Variants in RBFOX1 observed in about 807,000 individuals in gnomAD.
RBFOX1 encodes the protein RNA binding fox-1 homolog 1, also known as RNA binding protein fox-1 homolog 1.
In RBFOX1, 8 loss-of-function variants were observed where a neutral mutation model predicts 57.7. The observed-to-expected ratio is 0.14, with a 90% CI of 0.08 to 0.25. The LOEUF is 0.25. Ranked by LOEUF, RBFOX1 falls within the 10% of genes least tolerant of loss-of-function variation. The pLI, the probability that RBFOX1 is intolerant of heterozygous loss-of-function variation, is 1.00. For missense variants in RBFOX1, 611 were observed against 548.5 expected, an observed-to-expected ratio of 1.11 and a Z score of -1.14; for synonymous variants, 326 against 222.4, an observed-to-expected ratio of 1.47 and a Z score of -4.15.
rs1567355465 is a variant in RBFOX1 at position 6,060,122 on chromosome 16, G to GTTTTTTGTTTTTTTTTTTTTT, written c.-127+40136_-127+40137insGTTTTTTTTTTTTTTTTTTTT. 7.9e-5 allele frequency among the ~76,000 whole-genome samples: 9 copies of GTTTTTTGTTTTTTTTTTTTTT among 114,208 alleles called. 1 individual carries two copies. The highest frequency in any genetic ancestry group is 5.3e-4 in the East Asian group (2 of 3,788). 74.9% of individuals were successfully genotyped at this position (114,208 alleles called of 152,430 possible). ...ATTTGGCCCTAAAATTAGGATTAGG[G>GTTTTTTGTTTTTTTTTTTTTT]TTTTTTTTTTTTTTTTTTTTTTTTT... On this transcript the variant is annotated intron_variant, in intron 1 of 15. Transcript: ENST00000550418.
chr16:6,090,407 C>T (rs2096154257), intron 1 of RBFOX1, among the ~76,000 whole-genome samples: 2 of 152,214 alleles, frequency 1.3e-5, no homozygotes, highest in African/African-American at 4.8e-5. Context: ...ATCATCTCCA[C>T]TCTTCTGAGT....
At chr16:5,384,533 G>C (rs1222010208) in intron 1 of RBFOX1, among the ~76,000 whole-genome samples, 1 of 152,078 alleles carries the variant, frequency 6.6e-6, no homozygotes, top group Non-Finnish European at 1.5e-5. Flanking sequence ...CCAGGCAGAG[G>C]GACAATCAAG....
intron 1 of RBFOX1, among the ~76,000 whole-genome samples, chr16:5,461,971 T>A (rs1440164493): frequency 6.6e-6 from 1 of 151,950 alleles, no homozygotes; most frequent in African/African-American, 2.4e-5. Context: ...TGGCTCTTGA[T>A]CTATTTTGCC....
chr16:6,944,803 A>C (rs1032502356), intron 3 of RBFOX1, among the ~76,000 whole-genome samples: 1 of 152,158 alleles, frequency 6.6e-6, no homozygotes, highest in Non-Finnish European at 1.5e-5. Flanking sequence ...ACTAGAGAAT[A>C]ACCTGAGGAC....
intron 4 of RBFOX1, among the ~76,000 whole-genome samples, chr16:7,486,493 G>A (rs371884420): frequency 6.6e-6 from 1 of 152,060 alleles, no homozygotes; most frequent in Admixed American, 6.5e-5. Context: ...CCTTGGGCCA[G>A]TCACTTAACT....
chr16:6,842,561 C>G (rs1232693187), intron 3 of RBFOX1, among the ~76,000 whole-genome samples: 2 of 151,630 alleles, frequency 1.3e-5, no homozygotes, highest in South Asian at 4.2e-4. Flanking sequence ...TTTTTAATGG[C>G]TCTGCAGTGT....
intron 3 of RBFOX1, among the ~76,000 whole-genome samples, chr16:7,029,046 C>CTATATATATATATATATA (rs1225538161): frequency 4.4e-5 from 2 of 45,208 alleles, no homozygotes; most frequent in African/African-American, 2.9e-4. Context: ...AAAAAAAAAG[C>CTATATATATATATATATA]TATATATATA....
chr16:7,705,478 C>T (rs1003228986), intron 14 of RBFOX1, among the ~76,000 whole-genome samples: 1 of 152,142 alleles, frequency 6.6e-6, no homozygotes, highest in African/African-American at 2.4e-5. Flanking sequence ...GCACTCCAGC[C>T]TTAGCAACAG....
rs566636543 is a variant in RBFOX1, at chr16:5,363,984, G to A, written c.220-103232G>A. Among the ~76,000 whole-genome samples, 6 of 152,274 alleles carry A rather than the reference G, an allele frequency of 3.9e-5. No individual in the cohort carries two copies. In the South Asian group the frequency reaches 1.0e-3, roughly 26 times the overall value. ...TAGTCAGATCCTTCATCCAGTGTGTGCAATCAGTTTCCAAGAGAAGGAAAA... is the reference window on the plus strand; with the variant it reads ...TAGTCAGATCCTTCATCCAGTGTGTACAATCAGTTTCCAAGAGAAGGAAAA... On this transcript the variant is annotated intron_variant, in intron 1 of 2. Coordinates refer to the RBFOX1 transcript ENST00000585867.
chr16:6,905,822 G>A (rs1017941903), intron 3 of RBFOX1, among the ~76,000 whole-genome samples: 3 of 152,216 alleles, frequency 2.0e-5, no homozygotes, highest in Admixed American at 6.5e-5. Context: ...GCCTTGGCAC[G>A]GTGGTATTAG....
chr16:6,079,791 G>A (rs1214673296), intron 1 of RBFOX1, among the ~76,000 whole-genome samples: 1 of 152,118 alleles, frequency 6.6e-6, no homozygotes, highest in African/African-American at 2.4e-5. Flanking sequence ...AGCTGTGATT[G>A]TGTTACTGCA....
At chr16:5,355,988 G>T (rs2065379101) in intron 1 of RBFOX1, among the ~76,000 whole-genome samples, 1 of 152,202 alleles carries the variant, frequency 6.6e-6, no homozygotes, top group African/African-American at 2.4e-5. Flanking sequence ...CTACTCAGGA[G>T]GCTGTGACAT....
rs146148797 is a variant in RBFOX1, at chr16:7,183,649, T to C, written c.27+131551T>C. On this transcript the variant is annotated intron_variant, in intron 4 of 15. Transcript: ENST00000550418. ...CTTAGGGTCCCGAAGCAGGAACATGTATGAGAATACAGAACCAGATGATAT... is the reference window on the plus strand; with the variant it reads ...CTTAGGGTCCCGAAGCAGGAACATGCATGAGAATACAGAACCAGATGATAT... Among the ~76,000 whole-genome samples the C allele has an allele frequency of 5.4e-4, 83 of 152,334 alleles. 2 individuals carry two copies. In the East Asian group the frequency reaches 0.013, roughly 23 times the overall value.
chr16:5,564,214 C>G (rs1215804207), intron 2 of RBFOX1, among the ~76,000 whole-genome samples: 1 of 151,906 alleles, frequency 6.6e-6, no homozygotes, highest in Non-Finnish European at 1.5e-5. Context: ...GACAGGGTTT[C>G]ACTGTGTTGG....
At chr16:7,136,697 G>GT (rs2152051576) in intron 4 of RBFOX1, among the ~76,000 whole-genome samples, 1 of 152,236 alleles carries the variant, frequency 6.6e-6, no homozygotes, top group African/African-American at 2.4e-5. Flanking sequence ...GATTACGGGT[G>GT]TGAGTCACTT....
chr16:5,472,148 G>A (rs533120090), intron 2 of RBFOX1, among the ~76,000 whole-genome samples: 85 of 152,150 alleles, frequency 5.6e-4, no homozygotes, highest in African/African-American at 1.8e-3. Flanking sequence ...CTCTCTCCCT[G>A]CCTTCTAGCA....
intron 2 of RBFOX1, among the ~76,000 whole-genome samples, chr16:6,502,369 C>T (rs1228723249): frequency 2.6e-5 from 4 of 152,102 alleles, no homozygotes; most frequent in African/African-American, 7.2e-5. Context: ...GAAGAGGTGT[C>T]CCAAACCAGT....
intron 3 of RBFOX1, among the ~76,000 whole-genome samples, chr16:6,837,621 C>A (rs186695893): frequency 6.6e-6 from 1 of 152,142 alleles, no homozygotes; most frequent in Non-Finnish European, 1.5e-5. Context: ...TTGGGCAAGT[C>A]GCTCAATCTC....
chr16:6,083,282 C>T lies in RBFOX1; in HGVS notation c.-127+63290C>T, dbSNP rs369725921. Among the ~76,000 whole-genome samples, 12 of 152,200 alleles carry T rather than the reference C, an allele frequency of 7.9e-5. No individual in the cohort carries two copies. In the East Asian group the frequency reaches 9.7e-4, roughly 12 times the overall value. On this transcript the variant is annotated intron_variant, in intron 1 of 15. Transcript: ENST00000550418. ...CCTCCCAAAGTTCTAGGATTACAGGCGTGAGCTATTGCTCCCAGCCCAAAT... is the reference window on the plus strand; with the variant it reads ...CCTCCCAAAGTTCTAGGATTACAGGTGTGAGCTATTGCTCCCAGCCCAAAT...
Sources: gnomAD v4.1 joint callset for allele counts (sites outside exome capture counted in the v4.1 genomes callset) on GRCh38, gnomAD v4.1.1 for gene constraint, MANE v1.5 for transcripts, NCBI Gene and HGNC (gene_info 2026-07-23, HGNC 2026-07-21) for gene names.